The following PRAMEF9 variants were observed in gnomAD, a reference collection of about 807,000 sequenced individuals.
The protein encoded by PRAMEF9 is PRAME family member 9/15.
PRAMEF9 carries 1 observed loss-of-function variant against 10.9 expected under a neutral mutation model. The observed-to-expected ratio is 0.09, with a 90% CI of 0.03 to 0.44. The LOEUF (loss-of-function observed/expected upper bound fraction) is 0.44. Ranked by LOEUF, PRAMEF9 falls within the 20% of genes least tolerant of loss-of-function variation. The pLI is 0.97. For missense variants in PRAMEF9, 126 were observed against 379.8 expected (o/e 0.33, Z 5.55); for synonymous variants, 40 against 148.3 (o/e 0.27, Z 5.31).
rs1638333180 is a variant in PRAMEF9 at position 13,172,328 on chromosome 1, GT to G, written c.-220del. 1.0e-3 allele frequency: 19 copies of G among 18,322 alleles called. No homozygotes were observed. The highest frequency in any genetic ancestry group is 4.3e-3 in the African/African-American group (18 of 4,186). The allele number at this position is 18,322 out of a possible 1,614,324, so 1.1% of individuals were successfully genotyped here. A position where few individuals can be genotyped will look rare whatever the true frequency, so the allele number is the denominator to read the frequency against. ...ACCCAATCAGGATTACCTGGGTGGA[GT>G]GGAGCTTCACAAATGCAATCAGATA... On this transcript the variant is annotated 5_prime_UTR_variant, in exon 1 of 4. The change creates a premature stop within an existing upstream ORF in the 5' untranslated region. Coordinates refer to ENST00000415919, the MANE Select transcript of PRAMEF9 (RefSeq NM_001010890.3).
rs1204736068 is a variant in PRAMEF9 at position 13,179,009 on chromosome 1, T to A, written c.1314T>A (p.Ala438=). Residue 438 remains alanine, a synonymous_variant, in exon 4 of 4, where the codon GCT becomes GCA. Transcript: ENST00000415919. ...GGAGCAGATTTGCTCAAATTAGGGCTGAGCTGATGAACAGAGTGAGGGACT... is the reference window on the plus strand; with the variant it reads ...GGAGCAGATTTGCTCAAATTAGGGCAGAGCTGATGAACAGAGTGAGGGACT... ...LCWSRFAQIR[A]ELMNRVRDLR... 6.5e-7 allele frequency: 1 copy of A among 1,541,412 alleles called. No individual in the cohort carries two copies. Among genetic ancestry groups the A allele is most frequent in the Non-Finnish European group, 8.9e-7 (1 of 1,123,082 alleles).
At position 13,172,252 on chromosome 1, in the gene PRAMEF9, G is replaced by C. The variant is rs1291825029; in HGVS notation, c.-297G>C. Reference sequence around the variant, plus strand: ...TGCTTCGTGAAGTGAATATAGATATGTGATATGAATGGACATCTGATTCAA... The same window carrying C: ...TGCTTCGTGAAGTGAATATAGATATCTGATATGAATGGACATCTGATTCAA... On this transcript the variant is annotated 5_prime_UTR_variant, in exon 1 of 4. An upstream start codon of the reference 5' UTR is lost. Coordinates refer to ENST00000415919, the MANE Select transcript of PRAMEF9 (RefSeq NM_001010890.3). The C allele has an allele frequency of 6.9e-6, 1 of 144,794 alleles. No homozygotes were observed. Among genetic ancestry groups the C allele is most frequent in the African/African-American group, 2.4e-5 (1 of 41,068 alleles). The allele number at this position is 144,794 out of a possible 1,614,324, so 9.0% of individuals were successfully genotyped here. A position where few individuals can be genotyped will look rare whatever the true frequency, so the allele number is the denominator to read the frequency against.
rs2100351624 is a variant in PRAMEF9 at position 13,172,430 on chromosome 1, A to T, written c.-119A>T. ...GAGTTATGATTAGAAAGGTCAATAA[A>T]AGCTTCTAAAGACCCACAGGAGAGA... is the stretch of plus-strand genomic sequence containing the variant. On this transcript the variant is annotated 5_prime_UTR_variant, in exon 1 of 4. Transcript: ENST00000415919. 7.1e-6 allele frequency: 1 copy of T among 141,818 alleles called. No individual in the cohort carries two copies. The allele number at this position is 141,818 out of a possible 1,614,324, so 8.8% of individuals were successfully genotyped here.
chr1:13,172,274 T>G lies in PRAMEF9; in HGVS notation c.-275T>G, dbSNP rs1638331777. On this transcript the variant is annotated 5_prime_UTR_variant, in exon 1 of 4. It adds an upstream start codon to the 5' untranslated region. Transcript: ENST00000415919. ...TATGTGATATGAATGGACATCTGAT[T>G]CAATCCATTAATCTGGGGAGAGCCA... 1 of 144,690 alleles carries G rather than the reference T, an allele frequency of 6.9e-6. No homozygotes were observed. Among genetic ancestry groups the G allele is most frequent in the Non-Finnish European group, 1.6e-5 (1 of 64,004 alleles). 9.0% of individuals were successfully genotyped at this position (144,690 alleles called of 1,614,324 possible). A position where few individuals can be genotyped will look rare whatever the true frequency, so the allele number is the denominator to read the frequency against.
At chr1:13,172,646 A>G (rs1356711787) in intron 1 of PRAMEF9, 114 bp downstream of exon 1, 1 of 134,810 alleles carries the variant, frequency 7.4e-6, no homozygotes, top group African/African-American at 2.5e-5. Flanking sequence ...TTTTTTATAT[A>G]TATATATGAA....
chr1:13,172,600 G>T (rs1470410550), intron 1 of PRAMEF9, 68 bp downstream of exon 1: 1 of 138,122 alleles, frequency 7.2e-6, no homozygotes, highest in African/African-American at 2.5e-5. Flanking sequence ...GATGGTGACA[G>T]TGCAGCCTAA....
chr1:13,179,086 G>A lies in PRAMEF9; in HGVS notation c.1391G>A (p.Gly464Asp), dbSNP rs782581144. The A allele has an allele frequency of 5.8e-6, 9 of 1,541,190 alleles. 2 individuals are homozygous for A. In the East Asian group the frequency reaches 1.4e-4, roughly 24 times the overall value. The change falls in exon 4 of 4, where the codon GGC becomes GAC. Residue 464 changes from glycine to aspartate, a missense_variant. Coordinates refer to ENST00000415919, the MANE Select transcript of PRAMEF9 (RefSeq NM_001010890.3). ...TGTATTGACAACTGCCCTGACTGTG[G>A]CAACAGGTCATTTTATGACCTGGAG... The part of the protein sequence containing the change: ...FFCIDNCPDC[G>D]NRSFYDLEAD...
Position 13,178,892 on chromosome 1 carries a change from C to T in PRAMEF9, c.1197C>T (p.Asn399=). 1 of 1,507,900 alleles carries T rather than the reference C, an allele frequency of 6.6e-7. No homozygotes were observed. The highest frequency in any genetic ancestry group is 1.1e-5 in the South Asian group (1 of 88,292). The allele number at this position is 1,507,900 out of a possible 1,614,324, so 93.4% of individuals were successfully genotyped here. A position where few individuals can be genotyped will look rare whatever the true frequency, so the allele number is the denominator to read the frequency against. The change falls in exon 4 of 4, where the codon AAC becomes AAT. Residue 399 remains asparagine (N), a synonymous_variant. Transcript: ENST00000415919. ...GNPISMATLE[N]LLSHTIILKN... ...CCATCTCCATGGCCACCCTGGAGAA[C>T]CTGCTGAGCCACACAATCATACTCA...
chr1:13,175,072 C>T (rs1206470153), intron 1 of PRAMEF9, 193 bp from the exon 2 acceptor site: 3 of 629,018 alleles, frequency 4.8e-6, no homozygotes, highest in Non-Finnish European at 8.1e-6. Flanking sequence ...TTCCTCACTG[C>T]TTCGGAGACG....
In PRAMEF9 at chr1:13,179,436, A is replaced by C. The variant is rs2100361746; in HGVS notation, c.*304A>C. The stretch of plus-strand genomic sequence containing the variant: ...CTCTTGCATGGATGGTTGTAAAGAA[A>C]CAATCAGAAATAAAGGAAAACTGAG... On this transcript the variant is annotated 3_prime_UTR_variant, in exon 4 of 4. Coordinates refer to ENST00000415919, the MANE Select transcript of PRAMEF9 (RefSeq NM_001010890.3). 1 of 485,830 alleles carries C rather than the reference A, an allele frequency of 2.1e-6. No individual in the cohort carries two copies. The highest frequency in any genetic ancestry group is 3.9e-5 in the East Asian group (1 of 25,820). 30.1% of individuals were successfully genotyped at this position (485,830 alleles called of 1,614,324 possible).
Position 13,171,853 on chromosome 1 carries a change from T to TTC in PRAMEF9, c.-684_-683dup, listed in dbSNP as rs1190135032. The TTC allele has an allele frequency of 2.1e-5, 3 of 140,458 alleles. No homozygotes were observed. In the Admixed American group the frequency reaches 2.2e-4, roughly 10 times the overall value. The allele number at this position is 140,458 out of a possible 1,614,324, so 8.7% of individuals were successfully genotyped here. On this transcript the variant is annotated 5_prime_UTR_variant, in exon 1 of 4. Coordinates refer to ENST00000415919, the MANE Select transcript of PRAMEF9 (RefSeq NM_001010890.3). The stretch of plus-strand genomic sequence containing the variant: ...TCGGTAGAAGTGGAATCAAATGTAG[T>TTC]TCTCTCTCTCTCTTTTTTCTTTTTC...
rs1170040134 is a variant in PRAMEF9, at chr1:13,175,208, G to A, written c.-16-57G>A. The stretch of plus-strand genomic sequence containing the variant: ...TGAGTTTGGCCATAGGAGAAGATGA[G>A]ATTGCATGGGCTTGGCCTGAGAGTG... On this transcript the variant is annotated intron_variant, in intron 1 of 3. Transcript: ENST00000415919. 1.4e-4 allele frequency: 185 copies of A among 1,365,954 alleles called. 1 individual carries two copies. The African/African-American group carries it at 2.3e-3, about 17-fold the overall frequency. 84.6% of individuals were successfully genotyped at this position (1,365,954 alleles called of 1,614,324 possible).
Position 13,178,957 on chromosome 1 carries a change from G to T in PRAMEF9, c.1262G>T (p.Ser421Ile), listed in dbSNP as rs782696758. The T allele has an allele frequency of 4.5e-5, 70 of 1,538,652 alleles. 10 individuals are homozygous for T. Among genetic ancestry groups the T allele is most frequent in the Non-Finnish European group, 5.7e-5 (64 of 1,122,074 alleles). The stretch of plus-strand genomic sequence containing the variant: ...GAGGTGTATCCTGCCCCGCGGGAGA[G>T]TTATGGTGCTGATGGTACTCTCTGC... ...CVEVYPAPRE[S>I]YGADGTLCWS... The change falls in exon 4 of 4, where the codon AGT (serine) becomes ATT (isoleucine). Residue 421 changes from serine (S) to isoleucine (I), a missense_variant. Transcript: ENST00000415919.
Position 13,172,147 on chromosome 1 carries a change from T to A in PRAMEF9, c.-402T>A, listed in dbSNP as rs1638328914. The A allele has an allele frequency of 6.9e-6, 1 of 144,664 alleles. No homozygotes were observed. Among genetic ancestry groups the A allele is most frequent in the African/African-American group, 2.4e-5 (1 of 41,020 alleles). 9.0% of individuals were successfully genotyped at this position (144,664 alleles called of 1,614,324 possible). On this transcript the variant is annotated 5_prime_UTR_variant, in exon 1 of 4. Transcript: ENST00000415919. ...GCCTCTGCCTCCCACAGTGCTGGGATTACAGGTGTGAGCCACTTCGTCTGG... is the reference window on the plus strand; with the variant it reads ...GCCTCTGCCTCCCACAGTGCTGGGAATACAGGTGTGAGCCACTTCGTCTGG...
At position 13,172,640 on chromosome 1, in the gene PRAMEF9, T is replaced by TTATATA. The variant is rs1303152515; in HGVS notation, c.-17+116_-17+121dup. On this transcript the variant is annotated intron_variant, in intron 1 of 3. Transcript: ENST00000415919. ...GCAGAGAGCTATATCCTGTCCTTTT[T>TTATATA]TATATATATATATGAACAATTTGAA... 1.2e-4 allele frequency: 16 copies of TTATATA among 135,334 alleles called. 1 individual carries two copies. The highest frequency in any genetic ancestry group is 4.0e-4 in the African/African-American group (16 of 40,492). The allele number at this position is 135,334 out of a possible 1,614,324, so 8.4% of individuals were successfully genotyped here. A position where few individuals can be genotyped will look rare whatever the true frequency, so the allele number is the denominator to read the frequency against.
rs1303152515 is a variant in PRAMEF9 at position 13,172,640 on chromosome 1, T to TTATA, written c.-17+118_-17+121dup. ...GCAGAGAGCTATATCCTGTCCTTTT[T>TTATA]TATATATATATATGAACAATTTGAA... On this transcript the variant is annotated intron_variant, in intron 1 of 3. Coordinates refer to ENST00000415919, the MANE Select transcript of PRAMEF9 (RefSeq NM_001010890.3). The TTATA allele has an allele frequency of 1.8e-3, 243 of 135,428 alleles. 7 individuals are homozygous for TTATA. Among genetic ancestry groups the TTATA allele is most frequent in the African/African-American group, 5.3e-3 (216 of 40,594 alleles). The allele number at this position is 135,428 out of a possible 1,614,324, so 8.4% of individuals were successfully genotyped here. A position where few individuals can be genotyped will look rare whatever the true frequency, so the allele number is the denominator to read the frequency against.
rs1195550243 is a variant in PRAMEF9, at chr1:13,174,876, A to G, written c.-16-389A>G. On this transcript the variant is annotated intron_variant, in intron 1 of 3. Coordinates refer to ENST00000415919, the MANE Select transcript of PRAMEF9 (RefSeq NM_001010890.3). ...GATGTCCCATGAATGTTCCCAACAA[A>G]CTTATTTGTAGGAACTGAAAATGTG... The G allele has an allele frequency of 7.2e-4, 122 of 169,248 alleles. 3 individuals carry two copies. The highest frequency in any genetic ancestry group is 9.6e-4 in the Non-Finnish European group (79 of 81,998). 10.5% of individuals were successfully genotyped at this position (169,248 alleles called of 1,614,324 possible). A position where few individuals can be genotyped will look rare whatever the true frequency, so the allele number is the denominator to read the frequency against.
rs1435943181 is a variant in PRAMEF9 at position 13,175,245 on chromosome 1, C to T, written c.-16-20C>T. 2.9e-5 allele frequency: 42 copies of T among 1,439,130 alleles called. 2 individuals are homozygous for T. In the South Asian group the frequency reaches 3.0e-4, roughly 10 times the overall value. 89.1% of individuals were successfully genotyped at this position (1,439,130 alleles called of 1,614,324 possible). On this transcript the variant is annotated intron_variant, in intron 1 of 3. Coordinates refer to ENST00000415919, the MANE Select transcript of PRAMEF9 (RefSeq NM_001010890.3). The stretch of plus-strand genomic sequence containing the variant: ...TTGGCCTGAGAGTGATGCCTTTTCT[C>T]TGGGTTTGTCCTCTGGAAGTTTTCC...
In PRAMEF9 at chr1:13,175,143, T is replaced by C. The variant is rs1197875561; in HGVS notation, c.-16-122T>C. 10 of 1,198,456 alleles carry C rather than the reference T, an allele frequency of 8.3e-6. 2 individuals are homozygous for C. The highest frequency in any genetic ancestry group is 4.1e-5 in the Admixed American group (2 of 48,916). 74.2% of individuals were successfully genotyped at this position (1,198,456 alleles called of 1,614,324 possible). A position where few individuals can be genotyped will look rare whatever the true frequency, so the allele number is the denominator to read the frequency against. The stretch of plus-strand genomic sequence containing the variant: ...AATGGCCACTGAGTACAGAGTAGAA[T>C]TGGAGTAAACTGAGGGCTGTTTCAC... On this transcript the variant is annotated intron_variant, in intron 1 of 3. Coordinates refer to ENST00000415919, the MANE Select transcript of PRAMEF9 (RefSeq NM_001010890.3).
Sources: gnomAD v4.1 joint callset for allele counts on GRCh38, gnomAD v4.1.1 for gene constraint, MANE v1.5 for transcripts, NCBI Gene and HGNC (gene_info 2026-07-23, HGNC 2026-07-21) for gene names.